Variants in BCAR3 observed in about 807,000 individuals in gnomAD.
BCAR3 encodes the protein breast cancer anti-estrogen resistance protein 3.
A neutral mutation model predicts 80.1 loss-of-function variants in BCAR3; 37 were observed. The ratio of observed to expected loss-of-function variants is 0.46; its 90% CI spans 0.36 to 0.61. The LOEUF (loss-of-function observed/expected upper bound fraction) is 0.61, where lower values mean the gene tolerates loss of function less well. Among genes scored for constraint, BCAR3 ranks in the 20% least tolerant of loss-of-function variants. The probability of loss-of-function intolerance (pLI) is 0.00; values close to 1 mark genes in which losing one functional copy is unlikely to be tolerated. For synonymous variants in BCAR3, 389 were observed against 418.9 expected, an observed-to-expected ratio of 0.93 and a Z score of 0.87; for missense variants, 978 against 1,068.2, an observed-to-expected ratio of 0.92 and a Z score of 1.18.
At chr1:93,736,362 T>C (rs951930370) in intron 2 of BCAR3, among the ~76,000 whole-genome samples, 1 of 152,184 alleles carries the variant, frequency 6.6e-6, no homozygotes, top group African/African-American at 2.4e-5. Context: ...TAATTTTTTG[T>C]ATTTTTAGTA....
chr1:93,841,366 T>G (rs188885015), intron 2 of BCAR3, among the ~76,000 whole-genome samples: 1 of 152,362 alleles, frequency 6.6e-6, no homozygotes, highest in Admixed American at 6.5e-5. Flanking sequence ...CTAGTCTCAA[T>G]GCTTAAATGA....
intron 3 of BCAR3, among the ~76,000 whole-genome samples, chr1:93,690,282 C>T (rs536796993): frequency 1.3e-5 from 2 of 152,310 alleles, no homozygotes; most frequent in South Asian, 4.2e-4. Flanking sequence ...CCTTTTCTTT[C>T]ATGTTATTCT....
intron 2 of BCAR3, among the ~76,000 whole-genome samples, chr1:93,742,841 G>T (rs1164887539): frequency 6.6e-6 from 1 of 152,090 alleles, no homozygotes; most frequent in Non-Finnish European, 1.5e-5. Context: ...AATTATTTCA[G>T]AAATGCTACC....
chr1:93,803,229 G>C (rs973589816), intron 2 of BCAR3, among the ~76,000 whole-genome samples: 8 of 152,122 alleles, frequency 5.3e-5, no homozygotes, highest in African/African-American at 1.2e-4. Context: ...TAGGAAGCAA[G>C]TGTCCCATAC....
intron 2 of BCAR3, among the ~76,000 whole-genome samples, chr1:93,737,836 G>T (rs1036257616): frequency 2.0e-5 from 3 of 152,060 alleles, no homozygotes; most frequent in African/African-American, 7.2e-5. Flanking sequence ...GCATGGGCTT[G>T]GGGTAATTTT....
chr1:93,746,617 T>C (rs764815562), intron 2 of BCAR3, among the ~76,000 whole-genome samples: 3 of 152,160 alleles, frequency 2.0e-5, no homozygotes, highest in Admixed American at 1.3e-4. Flanking sequence ...CACCTGTAAA[T>C]GTAGTCAAGG....
chr1:93,724,902 C>T (rs1280349354), intron 2 of BCAR3, among the ~76,000 whole-genome samples: 1 of 152,204 alleles, frequency 6.6e-6, no homozygotes, highest in African/African-American at 2.4e-5. Flanking sequence ...CCATTCTTAG[C>T]TGAAACCCCA....
At position 93,761,665 on chromosome 1, in the gene BCAR3, C is replaced by T. The variant is rs1043035480; in HGVS notation, c.-62-55523G>A. Among the ~76,000 whole-genome samples, 9 of 152,170 alleles carry T rather than the reference C, an allele frequency of 5.9e-5. No individual in the cohort carries two copies. The East Asian group carries it at 9.6e-4, about 16-fold the overall frequency. ...AGCTGGGGCAGCCACGGCAAACCCC[C>T]GAGCTCAAGCCAGCCAAGCCAGCAT... On this transcript the variant is annotated intron_variant, in intron 2 of 13. Coordinates refer to the BCAR3 transcript ENST00000370244.
intron 2 of BCAR3, among the ~76,000 whole-genome samples, chr1:93,645,149 C>G (rs1038481393): frequency 1.3e-5 from 2 of 152,106 alleles, no homozygotes; most frequent in Non-Finnish European, 2.9e-5. Context: ...GTTGGCCCCC[C>G]ACAATGTGCA....
intron 2 of BCAR3, among the ~76,000 whole-genome samples, chr1:93,757,322 A>G (rs1651781105): frequency 6.6e-6 from 1 of 152,132 alleles, no homozygotes. Flanking sequence ...GGAGTGGAGC[A>G]GACAGCAGCT....
At chr1:93,837,264 G>A (rs1049688754) in intron 2 of BCAR3, among the ~76,000 whole-genome samples, 1 of 152,190 alleles carries the variant, frequency 6.6e-6, no homozygotes, top group Non-Finnish European at 1.5e-5. Context: ...TACCCTGTCT[G>A]AGGTATGTCT....
chr1:93,682,115 C>T (rs913121401), upstream of BCAR3, among the ~76,000 whole-genome samples: 10 of 152,218 alleles, frequency 6.6e-5, no homozygotes, highest in Admixed American at 3.9e-4. Flanking sequence ...TATTTAATTA[C>T]CCAACAGATC....
rs1198744143 is a variant in BCAR3, at chr1:93,822,890, C to T, written c.-63+22677G>A. 1.2e-4 allele frequency among the ~76,000 whole-genome samples: 10 copies of T among 81,038 alleles called. 3 individuals carry two copies. The highest frequency in any genetic ancestry group is 1.9e-4 in the Non-Finnish European group (6 of 31,050). The allele number at this position is 81,038 out of a possible 152,430, so 53.2% of individuals were successfully genotyped here. A position where few individuals can be genotyped will look rare whatever the true frequency, so the allele number is the denominator to read the frequency against. ...CCTTTGTAGATCAGGAAATTTGCTC[C>T]ACCCATGGCCCTGTGCTTCTCAGAG... On this transcript the variant is annotated intron_variant, in intron 2 of 13. Coordinates refer to the BCAR3 transcript ENST00000370244.
intron 3 of BCAR3, among the ~76,000 whole-genome samples, chr1:93,631,682 A>T (rs1675624667): frequency 6.6e-6 from 1 of 152,228 alleles, no homozygotes; most frequent in African/African-American, 2.4e-5. Flanking sequence ...GGATCTCAGA[A>T]GAATCCTTCC....
At chr1:93,640,533 T>C (rs1675946067) in intron 3 of BCAR3, among the ~76,000 whole-genome samples, 1 of 152,180 alleles carries the variant, frequency 6.6e-6, no homozygotes, top group Admixed American at 6.5e-5. Context: ...CAACAAGTTC[T>C]TGAAAAGGAG....
At chr1:93,682,383 T>A (rs1017922641), upstream of BCAR3, among the ~76,000 whole-genome samples, 2 of 152,174 alleles carry the variant, frequency 1.3e-5, no homozygotes, top group African/African-American at 4.8e-5. Flanking sequence ...ATAGAAATAG[T>A]AGAAGGATAG....
At chr1:93,802,103 TGAC>T (rs907997413) in intron 2 of BCAR3, among the ~76,000 whole-genome samples, 2 of 149,428 alleles carry the variant, frequency 1.3e-5, no homozygotes, top group Admixed American at 6.7e-5. Context: ...CACTGCAGCC[TGAC>T]GACAGAGCAA....
At chr1:93,690,952 A>G (rs1455260322) in intron 3 of BCAR3, among the ~76,000 whole-genome samples, 2 of 152,232 alleles carry the variant, frequency 1.3e-5, no homozygotes, top group African/African-American at 2.4e-5. Context: ...GAAAAAGTAG[A>G]AAATGCTAAA....
At chr1:93,774,548 T>C (rs1001839531) in intron 2 of BCAR3, among the ~76,000 whole-genome samples, 5 of 151,548 alleles carry the variant, frequency 3.3e-5, no homozygotes, top group Admixed American at 6.6e-5. Context: ...TTGATACTTA[T>C]TGTTGAAGCT....
Sources: gnomAD v4.1 joint callset for allele counts (sites outside exome capture counted in the v4.1 genomes callset) on GRCh38, gnomAD v4.1.1 for gene constraint, MANE v1.5 for transcripts, NCBI Gene and HGNC (gene_info 2026-07-23, HGNC 2026-07-21) for gene names.